The following GRIN2B variants were observed in gnomAD, a reference collection of about 807,000 sequenced individuals.
GRIN2B encodes glutamate receptor ionotropic, NMDA 2B.
GRIN2B carries 5 observed loss-of-function variants against 114.5 expected under a neutral mutation model. That is an observed-to-expected ratio of 0.04 (90% CI 0.02 to 0.09). The LOEUF is 0.09. Ranked by LOEUF, GRIN2B falls within the 10% of genes least tolerant of loss-of-function variation. The pLI, the probability that GRIN2B is intolerant of heterozygous loss-of-function variation, is 1.00. For missense variants in GRIN2B, 1,108 were observed against 1,943.5 expected (o/e 0.57, Z 8.08); for synonymous variants, 787 against 745.1 (o/e 1.06, Z -0.92).
chr12:13,762,891 G>T (rs576297668), intron 3 of GRIN2B, among the ~76,000 whole-genome samples: 3 of 152,012 alleles, frequency 2.0e-5, no homozygotes, highest in East Asian at 3.9e-4. Flanking sequence ...TTTTTGTTTG[G>T]TTTTTTGTTT....
intron 3 of GRIN2B, among the ~76,000 whole-genome samples, chr12:13,783,951 C>T (rs947040993): frequency 1.4e-4 from 21 of 152,120 alleles, no homozygotes; most frequent in Admixed American, 9.8e-4. Context: ...CGGCCGGGCG[C>T]GGTGGCTCAT....
rs1948616089 is a variant in GRIN2B at position 13,564,753 on chromosome 12, A to G, written c.2599-114T>C. ...TGGATAAGAAAAAGGGAAAGCATGA[A>G]GCGAATAGTCTAATATACTATTAGA... On this transcript the variant is annotated intron_variant, in intron 13 of 13. Transcript: ENST00000609686. The surrounding 1 kb of genome is among the most constrained non-coding windows in gnomAD (Gnocchi z 4.8). The G allele has an allele frequency of 1.0e-6, 1 of 970,496 alleles. No individual in the cohort carries two copies. The highest frequency in any genetic ancestry group is 1.6e-6 in the Non-Finnish European group (1 of 607,872). The allele number at this position is 970,496 out of a possible 1,614,324, so 60.1% of individuals were successfully genotyped here.
intron 3 of GRIN2B, among the ~76,000 whole-genome samples, chr12:13,823,316 C>G (rs1864971752): frequency 6.6e-6 from 1 of 151,938 alleles, no homozygotes; most frequent in Non-Finnish European, 1.5e-5. Flanking sequence ...GTATAGCTTT[C>G]CATTTATTTA....
intron 2 of GRIN2B, among the ~76,000 whole-genome samples, chr12:13,876,945 G>C (rs1865999372): frequency 6.6e-6 from 1 of 152,160 alleles, no homozygotes; most frequent in Non-Finnish European, 1.5e-5. Context: ...CCACTGATCA[G>C]AAACAAAGGC....
chr12:13,799,584 G>A (rs1565541708), intron 3 of GRIN2B, among the ~76,000 whole-genome samples: 1 of 152,076 alleles, frequency 6.6e-6, no homozygotes. Context: ...TGCCGCCACA[G>A]ACAAGATTAA....
chr12:13,966,921 T>C (rs998486070), intron 2 of GRIN2B, among the ~76,000 whole-genome samples: 5 of 152,180 alleles, frequency 3.3e-5, no homozygotes, highest in African/African-American at 1.2e-4. Context: ...ACATAAACCC[T>C]GGCACTATGA....
At chr12:13,632,997 A>G (rs1949629960) in intron 5 of GRIN2B, among the ~76,000 whole-genome samples, 1 of 152,206 alleles carries the variant, frequency 6.6e-6, no homozygotes, top group Non-Finnish European at 1.5e-5. Flanking sequence ...GAGAAGCAAA[A>G]GAGAGACTGT....
intron 3 of GRIN2B, among the ~76,000 whole-genome samples, chr12:13,783,772 C>T (rs1864165888): frequency 6.6e-6 from 1 of 152,028 alleles, no homozygotes; most frequent in African/African-American, 2.4e-5. Flanking sequence ...GACAAAGAGG[C>T]CTGCTCCAAG....
chr12:13,864,785 G>A (rs1015738040), intron 3 of GRIN2B, among the ~76,000 whole-genome samples: 1 of 152,176 alleles, frequency 6.6e-6, no homozygotes, highest in Non-Finnish European at 1.5e-5. Context: ...ATTTGTTGGA[G>A]ATTTAAAGCA....
intron 2 of GRIN2B, among the ~76,000 whole-genome samples, chr12:13,957,613 C>T (rs949854980): frequency 5.9e-5 from 9 of 152,254 alleles, no homozygotes; most frequent in Admixed American, 2.6e-4. Context: ...CACACAGGAA[C>T]GAGTGCTGAG....
chr12:13,930,228 C>T (rs1174586713), intron 2 of GRIN2B, among the ~76,000 whole-genome samples: 3 of 152,052 alleles, frequency 2.0e-5, no homozygotes, highest in African/African-American at 4.8e-5. Context: ...AAGTTATTAA[C>T]CTTATTTTTT....
At chr12:13,961,421 A>G (rs1318601375) in intron 2 of GRIN2B, among the ~76,000 whole-genome samples, 3 of 152,146 alleles carry the variant, frequency 2.0e-5, no homozygotes, top group Admixed American at 2.0e-4. Flanking sequence ...GGCAATGTGG[A>G]AGAATTGGAG....
intron 2 of GRIN2B, among the ~76,000 whole-genome samples, chr12:13,924,251 T>A (rs1427023096): frequency 6.6e-6 from 1 of 152,120 alleles, no homozygotes; most frequent in East Asian, 1.9e-4. Context: ...GGTCCCAACA[T>A]AAAACAGATG....
At chr12:13,782,163 T>G (rs1454038769) in intron 3 of GRIN2B, among the ~76,000 whole-genome samples, 3 of 152,174 alleles carry the variant, frequency 2.0e-5, no homozygotes, top group Non-Finnish European at 4.4e-5. Flanking sequence ...CTTCACTTTT[T>G]CCATAATTAG....
At chr12:13,650,056 C>T (rs981246724) in intron 5 of GRIN2B, among the ~76,000 whole-genome samples, 4 of 152,010 alleles carry the variant, frequency 2.6e-5, no homozygotes, top group South Asian at 2.1e-4. Context: ...CAGGCTCCTT[C>T]GATTGATGGT....
chr12:13,632,176 A>G (rs1949620598), intron 5 of GRIN2B, among the ~76,000 whole-genome samples: 1 of 152,254 alleles, frequency 6.6e-6, no homozygotes, highest in Non-Finnish European at 1.5e-5. Context: ...TTCAGTTTAC[A>G]AAAGAGAATG....
intron 4 of GRIN2B, among the ~76,000 whole-genome samples, chr12:13,727,137 T>C (rs1450461810): frequency 6.6e-6 from 1 of 152,108 alleles, no homozygotes; most frequent in Non-Finnish European, 1.5e-5. Context: ...TCCAAATTCT[T>C]CACTCTTAAC....
intron 5 of GRIN2B, among the ~76,000 whole-genome samples, chr12:13,660,996 T>G (rs1949917176): frequency 1.3e-5 from 2 of 152,244 alleles, no homozygotes; most frequent in African/African-American, 4.8e-5. Flanking sequence ...TTTTAATTGC[T>G]GTCAGTTTTC....
At chr12:13,711,571 T>C (rs1591690163) in intron 4 of GRIN2B, among the ~76,000 whole-genome samples, 1 of 152,052 alleles carries the variant, frequency 6.6e-6, no homozygotes, top group South Asian at 2.1e-4. Context: ...GGGCAAAGGA[T>C]ATGAACAGAC....
Sources: gnomAD v4.1 joint callset for allele counts (sites outside exome capture counted in the v4.1 genomes callset) on GRCh38, gnomAD v4.1.1 for gene constraint, Gnocchi (gnomAD v3.1) non-coding constraint, MANE v1.5 for transcripts, NCBI Gene and HGNC (gene_info 2026-07-23, HGNC 2026-07-21) for gene names.